OSBPL9: variants seen among roughly 807,000 people sequenced by gnomAD.
OSBPL9 encodes the protein oxysterol-binding protein-related protein 9.
OSBPL9 carries 40 observed loss-of-function variants against 106.6 expected under a neutral mutation model. The ratio of observed to expected loss-of-function variants is 0.38; its 90% CI spans 0.29 to 0.49. OSBPL9 has a LOEUF of 0.49. OSBPL9 is among the 20% of genes least tolerant of loss of function. The pLI is 0.97. For synonymous variants in OSBPL9, 269 were observed against 295.4 expected (o/e 0.91, Z 0.92); for missense variants, 609 against 887.2 (o/e 0.69, Z 3.98).
chr1:51,784,550 G>C lies in OSBPL9; in HGVS notation c.1797G>C (p.Gly599=). The change falls in exon 20 of 24, where the codon GGG becomes GGC. Residue 599 remains glycine (G), a synonymous_variant. Coordinates refer to ENST00000428468, the MANE Select transcript of OSBPL9 (RefSeq NM_024586.6). ...NIIFHTKPFY[G]GKKHRITAEI... is the part of the protein sequence containing the mutation. The stretch of plus-strand genomic sequence containing the variant: ...TCTTCCACACTAAACCCTTCTATGG[G>C]GGCAAGAAGCACAGAATTACTGCCG... 2 of 1,614,030 alleles carry C rather than the reference G, an allele frequency of 1.2e-6. No homozygotes were observed. The highest frequency in any genetic ancestry group is 4.5e-5 in the East Asian group (2 of 44,880).
At chr1:51,677,734 A>G (rs1349887665) in intron 3 of OSBPL9, among the ~76,000 whole-genome samples, 1 of 152,078 alleles carries the variant, frequency 6.6e-6, no homozygotes, top group African/African-American at 2.4e-5. Flanking sequence ...TATTTTTGGT[A>G]GAGACGGGGT....
chr1:51,670,049 C>T (rs1649500248), intron 3 of OSBPL9, among the ~76,000 whole-genome samples: 1 of 152,140 alleles, frequency 6.6e-6, no homozygotes, highest in Non-Finnish European at 1.5e-5. Flanking sequence ...TGCTATTATC[C>T]TTTTTATAGT....
chr1:51,720,523 A>G (rs991095949), intron 4 of OSBPL9, among the ~76,000 whole-genome samples: 1 of 151,768 alleles, frequency 6.6e-6, no homozygotes, highest in African/African-American at 2.4e-5. Flanking sequence ...GCGGGGTCTC[A>G]CCATGTTGTC....
rs965107834 is a variant in OSBPL9 at position 51,603,753 on chromosome 1, A to C, written c.-353+5560A>C. On this transcript the variant is annotated intron_variant, in intron 2 of 25. Coordinates refer to the OSBPL9 transcript ENST00000371714. ...TCTGGCTAAGCCCTGTGGTGTATGT[A>C]GTAGAAAAAGTATGTGTCTTGGTTT... Among the ~76,000 whole-genome samples the C allele has an allele frequency of 7.2e-5, 11 of 152,358 alleles. No homozygotes were observed. In the South Asian group the frequency reaches 2.3e-3, roughly 32 times the overall value.
intron 3 of OSBPL9, among the ~76,000 whole-genome samples, chr1:51,679,878 C>T (rs1652122655): frequency 6.6e-6 from 1 of 151,944 alleles, no homozygotes; most frequent in Admixed American, 6.6e-5. Context: ...TCTTACTGTG[C>T]CTTATTTATA....
chr1:51,654,252 T>C (rs1646690561), intron 2 of OSBPL9, among the ~76,000 whole-genome samples: 1 of 152,222 alleles, frequency 6.6e-6, no homozygotes, highest in Non-Finnish European at 1.5e-5. Context: ...TTGCCCTTTG[T>C]TGATATTAGC....
the OSBPL9 span, among the ~76,000 whole-genome samples, chr1:51,527,335 GATGATGATGATGA>G: frequency 7.3e-5 from 11 of 151,122 alleles, no homozygotes; most frequent in African/African-American, 1.9e-4. Flanking sequence ...TGATGGTGAT[GATGATGATGATGA>G]TGATGATGAT....
intron 1 of OSBPL9, among the ~76,000 whole-genome samples, chr1:51,597,443 G>GTA (rs1645305708): frequency 2.0e-5 from 3 of 150,198 alleles, no homozygotes; most frequent in Admixed American, 6.7e-5. Context: ...GTGTGTGTGT[G>GTA]TGTGTGTGTG....
the OSBPL9 span, chr1:51,519,310 C>G: frequency 2.2e-6 from 1 of 458,388 alleles, no homozygotes; most frequent in Non-Finnish European, 3.5e-6. Flanking sequence ...GAGGGAGCGG[C>G]CGCAGGCGAG....
chr1:51,540,930 G>T, the OSBPL9 span, among the ~76,000 whole-genome samples: 1 of 149,504 alleles, frequency 6.7e-6, no homozygotes, highest in African/African-American at 2.5e-5. Context: ...CTGCACTCCA[G>T]CCTAGGCAAC....
intron 1 of OSBPL9, among the ~76,000 whole-genome samples, chr1:51,618,025 G>GGT (rs1570562336): frequency 9.4e-6 from 1 of 106,552 alleles, no homozygotes; most frequent in Non-Finnish European, 2.1e-5. Context: ...TGTGTGTGTG[G>GGT]TTTTTTTTTT....
At chr1:51,710,762 C>A (rs1290060887) in intron 3 of OSBPL9, among the ~76,000 whole-genome samples, 1 of 152,166 alleles carries the variant, frequency 6.6e-6, no homozygotes, top group Admixed American at 6.5e-5. Flanking sequence ...TGAAAGTAAC[C>A]TGTCCTTTTT....
At chr1:51,747,859 G>A (rs1404509666) in intron 6 of OSBPL9, among the ~76,000 whole-genome samples, 5 of 151,822 alleles carry the variant, frequency 3.3e-5, no homozygotes, top group African/African-American at 4.8e-5. Flanking sequence ...GCGTGATCTC[G>A]GCTCACTGCA....
At chr1:51,606,864 C>G (rs1354943605) in intron 2 of OSBPL9, among the ~76,000 whole-genome samples, 5 of 151,802 alleles carry the variant, frequency 3.3e-5, no homozygotes, top group Non-Finnish European at 5.9e-5. Flanking sequence ...CTGGCTAACA[C>G]GGTGAAACCC....
At chr1:51,666,428 A>T (rs1422632165) in intron 2 of OSBPL9, among the ~76,000 whole-genome samples, 1 of 148,870 alleles carries the variant, frequency 6.7e-6, no homozygotes. Context: ...TTAAAAATTT[A>T]AAATATTAAA....
chr1:51,679,201 G>A (rs1651981045), intron 3 of OSBPL9, among the ~76,000 whole-genome samples: 1 of 152,094 alleles, frequency 6.6e-6, no homozygotes, highest in South Asian at 2.1e-4. Flanking sequence ...TTTGCTTTCT[G>A]TACAAGATCC....
chr1:51,571,345 A>G, the OSBPL9 span, among the ~76,000 whole-genome samples: 1 of 152,178 alleles, frequency 6.6e-6, no homozygotes, highest in Non-Finnish European at 1.5e-5. Context: ...CATGTCTGAC[A>G]TTATGTTAGG....
intron 15 of OSBPL9, among the ~76,000 whole-genome samples, chr1:51,778,234 A>C (rs1395873470): frequency 6.6e-6 from 1 of 152,210 alleles, no homozygotes; most frequent in African/African-American, 2.4e-5. Context: ...AATTCTAAGA[A>C]AGGAGAAAAG....
the OSBPL9 span, among the ~76,000 whole-genome samples, chr1:51,528,468 C>G: frequency 6.6e-6 from 1 of 151,900 alleles, no homozygotes; most frequent in Non-Finnish European, 1.5e-5. Context: ...TGCTTGAGCC[C>G]AGGAGGCGGA....
Sources: allele counts gnomAD v4.1 joint callset (sites outside exome capture counted in the v4.1 genomes callset), GRCh38; gene constraint gnomAD v4.1.1; transcripts MANE v1.5; gene names NCBI Gene and HGNC (gene_info 2026-07-23, HGNC 2026-07-21).